NTM: variants seen among roughly 807,000 people sequenced by gnomAD.
NTM encodes IgLON family member 2.
Under a neutral mutation model 42.1 loss-of-function variants are expected in NTM, and 13 were observed. That is an observed-to-expected ratio of 0.31 (90% CI 0.20 to 0.49). NTM has a LOEUF of 0.49. Ranked by LOEUF, NTM falls within the 20% of genes least tolerant of loss-of-function variation. The probability of loss-of-function intolerance (pLI) is 0.99; values close to 1 mark genes in which losing one functional copy is unlikely to be tolerated. For synonymous variants in NTM, 187 were observed against 179.2 expected (o/e 1.04, Z -0.35); for missense variants, 373 against 452.8 (o/e 0.82, Z 1.60).
chr11:131,696,504 G>C (rs575409077), intron 1 of NTM, among the ~76,000 whole-genome samples: 320 of 152,228 alleles, frequency 2.1e-3, no homozygotes, highest in Non-Finnish European at 2.7e-3. Flanking sequence ...TTTCCATATG[G>C]ATTCTGGACT....
chr11:131,714,250 G>A (rs1199589999), intron 1 of NTM, among the ~76,000 whole-genome samples: 4 of 152,002 alleles, frequency 2.6e-5, no homozygotes, highest in East Asian at 1.9e-4. Flanking sequence ...GTACAGTGGC[G>A]TGATCTTGGC....
chr11:132,161,773 G>GA (rs1357226604), intron 3 of NTM, among the ~76,000 whole-genome samples: 1 of 152,080 alleles, frequency 6.6e-6, no homozygotes, highest in East Asian at 1.9e-4. Context: ...GCCATCCCCG[G>GA]ACCCTTCCTG....
chr11:131,912,667 C>A (rs2055415049), intron 2 of NTM, among the ~76,000 whole-genome samples: 1 of 152,120 alleles, frequency 6.6e-6, no homozygotes, highest in Non-Finnish European at 1.5e-5. Flanking sequence ...GTTTAGTCTG[C>A]CCTCCTAAAT....
intron 1 of NTM, among the ~76,000 whole-genome samples, chr11:131,448,741 C>G (rs1412456512): frequency 6.6e-6 from 1 of 152,232 alleles, no homozygotes; most frequent in East Asian, 1.9e-4. Context: ...AGTCCAGCCT[C>G]TCTGTCTAGG....
At chr11:131,396,020 A>C (rs190647255) in intron 1 of NTM, among the ~76,000 whole-genome samples, 1 of 152,270 alleles carries the variant, frequency 6.6e-6, no homozygotes, top group African/African-American at 2.4e-5. Flanking sequence ...CCTAGAGGTG[A>C]GGGGGCAGAA....
chr11:131,676,780 C>G (rs1339581432), intron 1 of NTM, among the ~76,000 whole-genome samples: 2 of 152,194 alleles, frequency 1.3e-5, no homozygotes, highest in Non-Finnish European at 2.9e-5. Context: ...TATGCACCTT[C>G]TAAGAACAAG....
At chr11:131,584,821 A>G (rs1394771230) in intron 1 of NTM, among the ~76,000 whole-genome samples, 56 of 152,272 alleles carry the variant, frequency 3.7e-4, no homozygotes, top group Non-Finnish European at 6.0e-4. Flanking sequence ...GCTGGGATCC[A>G]TGTGACCCTT....
At position 131,789,646 on chromosome 11, in the gene NTM, AAGAAGAAGAAGAAG is replaced by A. The variant is rs2090520756; in HGVS notation, c.83-121916_83-121903del. 6.2e-5 allele frequency among the ~76,000 whole-genome samples: 8 copies of A among 128,028 alleles called. No homozygotes were observed. The Admixed American group carries it at 6.3e-4, about 10-fold the overall frequency. The allele number at this position is 128,028 out of a possible 152,430, so 84.0% of individuals were successfully genotyped here. A position where few individuals can be genotyped will look rare whatever the true frequency, so the allele number is the denominator to read the frequency against. ...AGAAGAAGAAGAAGAAAAGAAGAAG[AAGAAGAAGAAGAAG>A]AAGAAGAAAGCATGGGCCGGGGGCG... is the stretch of plus-strand genomic sequence containing the variant. On this transcript the variant is annotated intron_variant, in intron 1 of 8. Coordinates refer to ENST00000683400, the MANE Select transcript of NTM (RefSeq NM_001352005.2).
chr11:131,568,692 C>T (rs534523617), intron 1 of NTM, among the ~76,000 whole-genome samples: 10 of 152,270 alleles, frequency 6.6e-5, no homozygotes, highest in Admixed American at 5.9e-4. Flanking sequence ...AATCCACAGC[C>T]TAGGTCCACT....
intron 1 of NTM, among the ~76,000 whole-genome samples, chr11:131,874,030 A>ATATATATATATATATATATATATAT (rs1555162935): frequency 5.2e-5 from 4 of 76,632 alleles, no homozygotes; most frequent in Admixed American, 2.1e-4. Flanking sequence ...AATATAATAT[A>ATATATATATATATATATATATATAT]ATATATATAT....
intron 1 of NTM, among the ~76,000 whole-genome samples, chr11:131,618,556 G>A (rs1409438136): frequency 6.6e-6 from 1 of 152,298 alleles, no homozygotes; most frequent in East Asian, 1.9e-4. Context: ...GGTGGGAGCA[G>A]CGTTTTAAGT....
chr11:132,132,467 A>G (rs2067000486), intron 2 of NTM, among the ~76,000 whole-genome samples: 1 of 152,244 alleles, frequency 6.6e-6, no homozygotes. Flanking sequence ...TGAACACTGC[A>G]TCTTCACAGG....
intron 1 of NTM, among the ~76,000 whole-genome samples, chr11:131,452,408 G>A (rs111924964): frequency 0.011 from 1,685 of 152,298 alleles, 29 homozygotes; most frequent in African/African-American, 0.036. Context: ...GACATTTCCC[G>A]TTTCCCGAGC....
chr11:131,470,154 A>G (rs565225672), intron 1 of NTM, among the ~76,000 whole-genome samples: 1 of 152,292 alleles, frequency 6.6e-6, no homozygotes, highest in Non-Finnish European at 1.5e-5. Context: ...CATGGGCAGG[A>G]CATGGTTACT....
chr11:132,026,321 C>T (rs2075170740), intron 2 of NTM, among the ~76,000 whole-genome samples: 1 of 152,098 alleles, frequency 6.6e-6, no homozygotes, highest in Admixed American at 6.5e-5. Flanking sequence ...GTTAAATGCC[C>T]CTGGCTTTCC....
intron 4 of NTM, among the ~76,000 whole-genome samples, chr11:132,271,179 G>T (rs1480707715): frequency 6.6e-6 from 1 of 152,020 alleles, no homozygotes; most frequent in Admixed American, 6.6e-5. Flanking sequence ...CCACTGCTTT[G>T]TTGACTTAGC....
chr11:131,680,787 C>G (rs2072494251), intron 1 of NTM, among the ~76,000 whole-genome samples: 1 of 89,002 alleles, frequency 1.1e-5, no homozygotes. Flanking sequence ...ATGTGAGTGC[C>G]TGTGTGTGTG....
rs1448392278 is a variant in NTM at position 132,070,384 on chromosome 11, G to A, written c.168-75898G>A. 2.9e-5 allele frequency among the ~76,000 whole-genome samples: 4 copies of A among 139,178 alleles called. 1 individual carries two copies. Among genetic ancestry groups the A allele is most frequent in the Non-Finnish European group, 6.2e-5 (4 of 64,114 alleles). 91.3% of individuals were successfully genotyped at this position (139,178 alleles called of 152,430 possible). A position where few individuals can be genotyped will look rare whatever the true frequency, so the allele number is the denominator to read the frequency against. On this transcript the variant is annotated intron_variant, in intron 2 of 8. Coordinates refer to ENST00000683400, the MANE Select transcript of NTM (RefSeq NM_001352005.2). ...CTGACCATCACAGGTTAGTTAACACGTCACACAGCCAAGTAAGTTAACACG... is the reference window on the plus strand; with the variant it reads ...CTGACCATCACAGGTTAGTTAACACATCACACAGCCAAGTAAGTTAACACG...
chr11:132,224,589 C>A (rs1235914714), intron 4 of NTM, among the ~76,000 whole-genome samples: 1 of 152,184 alleles, frequency 6.6e-6, no homozygotes, highest in Non-Finnish European at 1.5e-5. Flanking sequence ...GTGTCTGTGG[C>A]AGGGCAGAAA....
Sources: gnomAD v4.1 joint callset for allele counts (sites outside exome capture counted in the v4.1 genomes callset) on GRCh38, gnomAD v4.1.1 for gene constraint, MANE v1.5 for transcripts, NCBI Gene and HGNC (gene_info 2026-07-23, HGNC 2026-07-21) for gene names.